The following SAMD5 variants were observed in gnomAD, a reference collection of about 807,000 sequenced individuals.
SAMD5 encodes sterile alpha motif domain-containing protein 5.
SAMD5 carries 13 observed loss-of-function variants against 11.3 expected under a neutral mutation model. The observed-to-expected ratio is 1.15, with a 90% CI of 0.75 to 1.83. SAMD5 has a LOEUF of 1.83. SAMD5 is among the 40% of genes most tolerant of loss of function. SAMD5 has a pLI of 0.00. For missense variants in SAMD5, 255 were observed against 239.1 expected (o/e 1.07, Z -0.44); for synonymous variants, 129 against 111.3 (o/e 1.16, Z -1.00).
the SAMD5 span, among the ~76,000 whole-genome samples, chr6:147,859,002 A>G: frequency 6.6e-6 from 1 of 152,228 alleles, no homozygotes; most frequent in African/African-American, 2.4e-5. Context: ...AAACAAAAGC[A>G]GGGAAGATTG....
intron 1 of SAMD5, among the ~76,000 whole-genome samples, chr6:147,680,545 T>C (rs73011949): frequency 0.11 from 17,468 of 152,164 alleles, 1,094 homozygotes; most frequent in Middle Eastern, 0.16. Flanking sequence ...CCTCCATTAC[T>C]ATGTTTAATA....
chr6:147,919,934 T>C, the SAMD5 span, among the ~76,000 whole-genome samples: 1 of 152,234 alleles, frequency 6.6e-6, no homozygotes, highest in East Asian at 1.9e-4. Context: ...CAGTGCTTAT[T>C]TTAGTATTAT....
the SAMD5 span, among the ~76,000 whole-genome samples, chr6:147,926,056 A>G: frequency 1.3e-5 from 2 of 152,334 alleles, no homozygotes; most frequent in African/African-American, 2.4e-5. Flanking sequence ...CATGGTATAT[A>G]TGTACCACAT....
intron 1 of SAMD5, among the ~76,000 whole-genome samples, chr6:147,516,115 T>G (rs1788167286): frequency 6.6e-6 from 1 of 152,110 alleles, no homozygotes; most frequent in South Asian, 2.1e-4. Context: ...CAAAATAAAT[T>G]AGTTACTGTG....
the SAMD5 span, among the ~76,000 whole-genome samples, chr6:147,898,884 A>T: frequency 6.6e-6 from 1 of 152,230 alleles, no homozygotes; most frequent in East Asian, 1.9e-4. Context: ...AAAATCAAAT[A>T]AGATAACATG....
At chr6:147,923,217 G>T in the SAMD5 span, among the ~76,000 whole-genome samples, 28 of 152,300 alleles carry the variant, frequency 1.8e-4, no homozygotes, top group Admixed American at 5.9e-4. Flanking sequence ...CAGAATGCGG[G>T]TTTATAACAA....
At chr6:147,887,078 C>T in the SAMD5 span, among the ~76,000 whole-genome samples, 20 of 152,300 alleles carry the variant, frequency 1.3e-4, no homozygotes, top group South Asian at 4.1e-3. Flanking sequence ...CTGTTTTAAA[C>T]TGCTAAGTTT....
chr6:147,626,731 G>T (rs1161750985), intron 1 of SAMD5, among the ~76,000 whole-genome samples: 1 of 142,066 alleles, frequency 7.0e-6, no homozygotes, highest in Non-Finnish European at 1.5e-5. Flanking sequence ...AGACGGCAGG[G>T]TCGCTTGAAG....
At chr6:147,929,927 G>A in the SAMD5 span, among the ~76,000 whole-genome samples, 2 of 152,152 alleles carry the variant, frequency 1.3e-5, no homozygotes, top group African/African-American at 4.8e-5. Flanking sequence ...CTACATAAAT[G>A]TCTGGTACAG....
chr6:147,691,931 A>AAG (rs1221656313), intron 1 of SAMD5, among the ~76,000 whole-genome samples: 2 of 152,134 alleles, frequency 1.3e-5, no homozygotes, highest in Non-Finnish European at 1.5e-5. Context: ...CAATTTGAAG[A>AAG]GTTACAGCCT....
the SAMD5 span, among the ~76,000 whole-genome samples, chr6:147,770,393 C>A: frequency 6.6e-6 from 1 of 152,136 alleles, no homozygotes; most frequent in African/African-American, 2.4e-5. Context: ...TGCCTAAATC[C>A]ACATGAACTT....
intron 1 of SAMD5, among the ~76,000 whole-genome samples, chr6:147,533,537 A>G (rs1233211540): frequency 6.6e-6 from 1 of 152,054 alleles, no homozygotes; most frequent in Non-Finnish European, 1.5e-5. Flanking sequence ...GGTAGAGGAC[A>G]GGATTTGCAA....
intron 1 of SAMD5, among the ~76,000 whole-genome samples, chr6:147,636,089 G>T (rs916553841): frequency 5.6e-5 from 8 of 143,300 alleles, no homozygotes; most frequent in African/African-American, 2.4e-4. Flanking sequence ...AGACACCCAT[G>T]GGAAAGTCTT....
chr6:147,927,858 G>A, the SAMD5 span, among the ~76,000 whole-genome samples: 1 of 152,154 alleles, frequency 6.6e-6, no homozygotes, highest in Non-Finnish European at 1.5e-5. Flanking sequence ...CTAGTTTACT[G>A]AGAATTTTTA....
chr6:147,916,222 T>C, the SAMD5 span, among the ~76,000 whole-genome samples: 1 of 152,124 alleles, frequency 6.6e-6, no homozygotes, highest in African/African-American at 2.4e-5. Flanking sequence ...TACATGTGCA[T>C]GTGTCTTTAT....
intron 1 of SAMD5, among the ~76,000 whole-genome samples, chr6:147,594,721 C>T (rs974072180): frequency 2.0e-5 from 3 of 152,176 alleles, no homozygotes; most frequent in African/African-American, 7.2e-5. Context: ...GCTTCACTAA[C>T]AGTCAATCAG....
intron 1 of SAMD5, among the ~76,000 whole-genome samples, chr6:147,591,666 GT>G (rs1789456902): frequency 6.6e-6 from 1 of 152,110 alleles, no homozygotes; most frequent in African/African-American, 2.4e-5. Context: ...AGGCTGTTCA[GT>G]TTTCCATGGA....
Position 147,659,683 on chromosome 6 carries a change from G to A in SAMD5, c.163-77634G>A, listed in dbSNP as rs539242425. On this transcript the variant is annotated intron_variant, in intron 1 of 1. Coordinates refer to the SAMD5 transcript ENST00000566741. Reference sequence around the variant, plus strand: ...AATTGCTTTCATTAAACAAAAATGAGAGAAGTAGTGGCTAAAGTAATAAGC... The same window carrying A: ...AATTGCTTTCATTAAACAAAAATGAAAGAAGTAGTGGCTAAAGTAATAAGC... Among the ~76,000 whole-genome samples the A allele has an allele frequency of 7.2e-5, 11 of 152,304 alleles. No homozygotes were observed. In the South Asian group the frequency reaches 1.7e-3, roughly 23 times the overall value.
At chr6:147,549,071 C>A (rs547973707) in intron 1 of SAMD5, among the ~76,000 whole-genome samples, 98 of 152,254 alleles carry the variant, frequency 6.4e-4, no homozygotes, top group African/African-American at 2.2e-3. Flanking sequence ...GGCACAGAAC[C>A]ATAGCTGACC....
Sources: allele counts gnomAD v4.1 joint callset (sites outside exome capture counted in the v4.1 genomes callset), GRCh38; gene constraint gnomAD v4.1.1; transcripts MANE v1.5; gene names NCBI Gene and HGNC (gene_info 2026-07-23, HGNC 2026-07-21).